The following TACR3 variants were observed in gnomAD, a reference collection of about 807,000 sequenced individuals.
The protein encoded by TACR3 is neuromedin-K receptor.
A neutral mutation model predicts 35.0 loss-of-function variants in TACR3; 34 were observed. The observed-to-expected ratio is 0.97, with a 90% CI of 0.74 to 1.30. The LOEUF (loss-of-function observed/expected upper bound fraction) is 1.30, where lower values mean the gene tolerates loss of function less well. Among genes scored for constraint, TACR3 ranks in the 50% most tolerant of loss-of-function variants. TACR3 has a pLI of 0.00. For missense variants in TACR3, 558 were observed against 591.7 expected, an observed-to-expected ratio of 0.94 and a Z score of 0.59; for synonymous variants, 233 against 221.1, an observed-to-expected ratio of 1.05 and a Z score of -0.48.
intron 1 of TACR3, among the ~76,000 whole-genome samples, chr4:103,704,105 CAAAAAAAAAAAAAA>C (rs59034473): frequency 1.2e-3 from 76 of 64,636 alleles, no homozygotes; most frequent in African/African-American, 4.1e-3. Context: ...CTCTATCTCA[CAAAAAAAAAAAAAA>C]AAAAAAAAAA....
intron 1 of TACR3, among the ~76,000 whole-genome samples, chr4:103,717,049 T>C (rs1463131609): frequency 6.6e-6 from 1 of 152,180 alleles, no homozygotes; most frequent in Non-Finnish European, 1.5e-5. Flanking sequence ...TTCTTTAACC[T>C]ATAAAATGAC....
At chr4:103,597,885 C>A (rs1724076280) in intron 3 of TACR3, among the ~76,000 whole-genome samples, 1 of 152,114 alleles carries the variant, frequency 6.6e-6, no homozygotes, top group African/African-American at 2.4e-5. Flanking sequence ...CAAGTCTTTG[C>A]TATTGTGAAT....
At chr4:103,703,733 C>A (rs187391372) in intron 1 of TACR3, among the ~76,000 whole-genome samples, 26 of 152,170 alleles carry the variant, frequency 1.7e-4, no homozygotes, top group Admixed American at 5.2e-4. Flanking sequence ...TCATGCTGGA[C>A]ATTTGATTTA....
At chr4:103,665,572 T>C (rs1725919154) in intron 1 of TACR3, among the ~76,000 whole-genome samples, 1 of 152,186 alleles carries the variant, frequency 6.6e-6, no homozygotes, top group African/African-American at 2.4e-5. Context: ...TTTTTGGCAA[T>C]ATTGATGAAC....
intron 3 of TACR3, among the ~76,000 whole-genome samples, chr4:103,609,754 C>CCCTCTCCTGCCACTCT (rs1440104901): frequency 1.1e-4 from 16 of 152,082 alleles, no homozygotes; most frequent in Admixed American, 2.0e-4. Context: ...TCTCCCCATC[C>CCCTCTCCTGCCACTCT]CCTCTCCTGC....
At chr4:103,598,884 G>A (rs1724114036) in intron 3 of TACR3, among the ~76,000 whole-genome samples, 1 of 152,134 alleles carries the variant, frequency 6.6e-6, no homozygotes, top group Non-Finnish European at 1.5e-5. Flanking sequence ...AAGTCAGGTA[G>A]CATGATGCCT....
At chr4:103,630,803 C>A (rs1416754391) in intron 3 of TACR3, among the ~76,000 whole-genome samples, 26 of 152,114 alleles carry the variant, frequency 1.7e-4, no homozygotes, top group Admixed American at 1.7e-3. Context: ...ACTAGAAAAA[C>A]CATTGACCCA....
chr4:103,606,007 T>C (rs1448691920), intron 3 of TACR3, among the ~76,000 whole-genome samples: 2 of 151,786 alleles, frequency 1.3e-5, no homozygotes, highest in Non-Finnish European at 2.9e-5. Flanking sequence ...TTGTATAAGG[T>C]GTAAGGAAGG....
chr4:103,686,118 GAC>G (rs751241227), intron 1 of TACR3, among the ~76,000 whole-genome samples: 2 of 152,194 alleles, frequency 1.3e-5, no homozygotes, highest in Non-Finnish European at 2.9e-5. Context: ...CAGGGGAAGA[GAC>G]AGTCAAGTAA....
chr4:103,656,823 AAAGT>A (rs1403637802), intron 2 of TACR3, among the ~76,000 whole-genome samples: 2 of 152,092 alleles, frequency 1.3e-5, no homozygotes, highest in African/African-American at 4.8e-5. Flanking sequence ...TGGTGGGAAA[AAAGT>A]AAGTAGATAC....
In TACR3 at chr4:103,596,980, T is replaced by G. The variant is rs548476177; in HGVS notation, c.889-5297A>C. Among the ~76,000 whole-genome samples, 15 of 151,994 alleles carry G rather than the reference T, an allele frequency of 9.9e-5. No homozygotes were observed. The South Asian group carries it at 2.3e-3, about 23-fold the overall frequency. On this transcript the variant is annotated intron_variant, in intron 3 of 4. Transcript: ENST00000304883. ...TATTCCATGGTGTATATGTGCCACA[T>G]TTTCTTAATCCAGTCTATCATTGTT... is the stretch of plus-strand genomic sequence containing the variant.
At chr4:103,636,103 A>G (rs948617087) in intron 3 of TACR3, among the ~76,000 whole-genome samples, 2 of 152,022 alleles carry the variant, frequency 1.3e-5, no homozygotes, top group African/African-American at 4.8e-5. Context: ...ATGTATTTAG[A>G]GTTGCTTTCA....
At chr4:103,614,890 T>TTTTTTTTTG (rs1560807405) in intron 3 of TACR3, among the ~76,000 whole-genome samples, 2 of 107,824 alleles carry the variant, frequency 1.9e-5, no homozygotes, top group African/African-American at 7.5e-5. Context: ...ATGTGTTTTT[T>TTTTTTTTTG]TTTTTTTTTT....
intron 1 of TACR3, among the ~76,000 whole-genome samples, chr4:103,672,757 G>T (rs546360000): frequency 1.3e-5 from 2 of 152,278 alleles, no homozygotes; most frequent in African/African-American, 2.4e-5. Context: ...GTCATTTGAA[G>T]ATTTGAAGTC....
intron 3 of TACR3, among the ~76,000 whole-genome samples, chr4:103,603,772 A>C (rs895591352): frequency 1.2e-4 from 19 of 152,148 alleles, no homozygotes; most frequent in African/African-American, 4.6e-4. Flanking sequence ...AGGTTGAACT[A>C]ATTTATATTC....
At chr4:103,658,764 T>G (rs75153511) in intron 1 of TACR3, among the ~76,000 whole-genome samples, 2,242 of 152,174 alleles carry the variant, frequency 0.015, 56 homozygotes, top group African/African-American at 0.052. Context: ...TGGAAGATAA[T>G]TTTTTTCCAT....
At chr4:103,591,236 TTGGCCCATAGAAGA>T in intron 4 of TACR3, 1 of 490,766 alleles carries the variant, frequency 2.0e-6, no homozygotes, top group Admixed American at 3.6e-5. Context: ...GAGGAAGAAG[TTGGCCCATAGAAGA>T]ATCATCCAGT....
At chr4:103,713,726 G>C (rs1723024343) in intron 1 of TACR3, among the ~76,000 whole-genome samples, 1 of 152,074 alleles carries the variant, frequency 6.6e-6, no homozygotes, top group Non-Finnish European at 1.5e-5. Flanking sequence ...GGATGAGATT[G>C]GTTGGGGACA....
chr4:103,630,035 G>A (rs536865637), intron 3 of TACR3, among the ~76,000 whole-genome samples: 9 of 152,024 alleles, frequency 5.9e-5, no homozygotes, highest in South Asian at 4.1e-4. Flanking sequence ...AAATAACACC[G>A]CACATCTACA....
Sources: allele counts gnomAD v4.1 joint callset (sites outside exome capture counted in the v4.1 genomes callset), GRCh38; gene constraint gnomAD v4.1.1; transcripts MANE v1.5; gene names NCBI Gene and HGNC (gene_info 2026-07-23, HGNC 2026-07-21).